WDR47: variants seen among roughly 807,000 people sequenced by gnomAD.
The protein encoded by WDR47 is WD repeat-containing protein 47.
A neutral mutation model predicts 97.2 loss-of-function variants in WDR47; 32 were observed. The observed-to-expected ratio is 0.33, with a 90% CI of 0.25 to 0.44. The LOEUF (loss-of-function observed/expected upper bound fraction) is 0.44. WDR47 is among the 20% of genes least tolerant of loss of function. The pLI is 1.00. For missense variants in WDR47, 782 were observed against 1,102.3 expected (o/e 0.71, Z 4.11); for synonymous variants, 375 against 373.5 (o/e 1.00, Z -0.05).
Position 108,992,521 on chromosome 1 carries a change from A to G in WDR47, c.1692-1192T>C, listed in dbSNP as rs1432196973. On this transcript the variant is annotated intron_variant, in intron 8 of 14. Coordinates refer to ENST00000369962, the MANE Select transcript of WDR47 (RefSeq NM_001142551.2). ...AGGCCAAGCAGTGGGGCTGGACACA[A>G]GGTCGGTGGCCCAAAAAGAGTGCTG... 21 of 1,512,766 alleles carry G rather than the reference A, an allele frequency of 1.4e-5. No individual in the cohort carries two copies. In the East Asian group the frequency reaches 3.6e-4, roughly 26 times the overall value. The allele number at this position is 1,512,766 out of a possible 1,614,324, so 93.7% of individuals were successfully genotyped here. A position where few individuals can be genotyped will look rare whatever the true frequency, so the allele number is the denominator to read the frequency against.
chr1:108,976,880 G>T (rs527816604), intron 13 of WDR47, among the ~76,000 whole-genome samples: 1 of 152,194 alleles, frequency 6.6e-6, no homozygotes, highest in Non-Finnish European at 1.5e-5. Flanking sequence ...GATCTGAGGT[G>T]AGACTAGAAG....
chr1:108,986,712 TA>T lies in WDR47; in HGVS notation c.1768-33del, dbSNP rs559729979. ...AAAGAATGAATATTAGTTATCCTATTAAAAAAATGAATTTGAAAGAATTCAT... is the reference window on the plus strand; with the variant it reads ...AAAGAATGAATATTAGTTATCCTATTAAAAAATGAATTTGAAAGAATTCAT... On this transcript the variant is annotated intron_variant, in intron 9 of 14. Transcript: ENST00000369962. 326 of 1,481,698 alleles carry T rather than the reference TA, an allele frequency of 2.2e-4. 1 individual carries two copies. The African/African-American group carries it at 2.4e-3, about 11-fold the overall frequency. 91.8% of individuals were successfully genotyped at this position (1,481,698 alleles called of 1,614,324 possible).
intron 1 of WDR47, among the ~76,000 whole-genome samples, chr1:109,025,779 G>T (rs982931024): frequency 1.3e-5 from 2 of 151,984 alleles, no homozygotes; most frequent in African/African-American, 4.8e-5. Flanking sequence ...TGGCGCTAGG[G>T]TAAACAAGGG....
intron 7 of WDR47, among the ~76,000 whole-genome samples, chr1:108,998,595 TC>T (rs1659935143): frequency 6.6e-6 from 1 of 152,080 alleles, no homozygotes; most frequent in Non-Finnish European, 1.5e-5. Flanking sequence ...AATTGTCAAA[TC>T]AATGGTGCCA....
In WDR47 at chr1:108,991,277, G is replaced by A. The variant is rs1425358889; in HGVS notation, c.1744C>T (p.Leu582Phe). The A allele has an allele frequency of 6.2e-7, 1 of 1,613,130 alleles. No homozygotes were observed. The highest frequency in any genetic ancestry group is 8.5e-7 in the Non-Finnish European group (1 of 1,179,318). ...KPPLGDSPGS[L>F]SRSKGEEDDK... Reference sequence around the variant, plus strand: ...ACCTCTTCCCCTTTCGACCTTGAAAGACTCCCTGGAGAATCTCCAAGAGGT... The same window carrying A: ...ACCTCTTCCCCTTTCGACCTTGAAAAACTCCCTGGAGAATCTCCAAGAGGT... Residue 582 changes from leucine (L) to phenylalanine (F), a missense_variant, in exon 9 of 15, where the codon CTT (leucine) becomes TTT (phenylalanine). Transcript: ENST00000369962.
Position 109,023,518 on chromosome 1 carries a change from T to G in WDR47, c.-6A>C, listed in dbSNP as rs913109879. 6.2e-7 allele frequency: 1 copy of G among 1,609,772 alleles called. No homozygotes were observed. The highest frequency in any genetic ancestry group is 1.3e-5 in the African/African-American group (1 of 74,814). On this transcript the variant is annotated 5_prime_UTR_variant, in exon 2 of 15. Transcript: ENST00000369962. Reference sequence around the variant, plus strand: ...ACTGTTTCTTCAGCCGTCATATTGATAGCCTAAATATGAAACAGAAAAACA... The same window carrying G: ...ACTGTTTCTTCAGCCGTCATATTGAGAGCCTAAATATGAAACAGAAAAACA...
At chr1:108,992,492 G>A in intron 8 of WDR47, 1 of 1,530,874 alleles carries the variant, frequency 6.5e-7, no homozygotes. Flanking sequence ...TGGCAGGTGT[G>A]CGCAGGCCAA....
intron 6 of WDR47, among the ~76,000 whole-genome samples, chr1:109,002,635 T>C (rs1660304136): frequency 6.6e-6 from 1 of 152,212 alleles, no homozygotes; most frequent in Non-Finnish European, 1.5e-5. Flanking sequence ...TTGCCTTGGT[T>C]CCCTGACTAA....
At chr1:108,991,931 G>A (rs1457287434) in intron 8 of WDR47, among the ~76,000 whole-genome samples, 1 of 152,072 alleles carries the variant, frequency 6.6e-6, no homozygotes, top group Admixed American at 6.6e-5. Context: ...CCAGATTGCT[G>A]GGATTACAGG....
intron 14 of WDR47, among the ~76,000 whole-genome samples, chr1:108,971,777 T>C (rs1657473122): frequency 6.6e-6 from 1 of 152,146 alleles, no homozygotes; most frequent in African/African-American, 2.4e-5. Context: ...ACAGCAACAT[T>C]TGACAAGTTG....
intron 2 of WDR47, among the ~76,000 whole-genome samples, chr1:109,019,226 T>C (rs1436691843): frequency 2.0e-5 from 3 of 151,516 alleles, no homozygotes; most frequent in African/African-American, 7.3e-5. Context: ...CTACTAAAAA[T>C]ACAAAAATTA....
At chr1:109,017,276 C>G (rs909825063) in intron 3 of WDR47, among the ~76,000 whole-genome samples, 4 of 152,068 alleles carry the variant, frequency 2.6e-5, no homozygotes, top group African/African-American at 9.7e-5. Flanking sequence ...TGGTACACGC[C>G]TGTATAGTCC....
chr1:108,994,657 GGACAAAGATGGGTTTTA>G (rs551423607), intron 8 of WDR47, among the ~76,000 whole-genome samples: 1,998 of 152,058 alleles, frequency 0.013, 41 homozygotes, highest in African/African-American at 0.045. Context: ...ATAAAACCAT[GGACAAAGATGGGTTTTA>G]TTTTAAGCCT....
chr1:109,031,828 C>CT (rs1662626220), intron 1 of WDR47, among the ~76,000 whole-genome samples: 1 of 95,368 alleles, frequency 1.0e-5, no homozygotes. Flanking sequence ...AAGACAGGGT[C>CT]TTGCTCTCAA....
chr1:109,023,517 A>T lies in WDR47; in HGVS notation c.-5T>A, dbSNP rs780874017. On this transcript the variant is annotated 5_prime_UTR_variant, in exon 2 of 15. Transcript: ENST00000369962. ...CACTGTTTCTTCAGCCGTCATATTG[A>T]TAGCCTAAATATGAAACAGAAAAAC... The T allele has an allele frequency of 6.2e-7, 1 of 1,609,676 alleles. No individual in the cohort carries two copies. Among genetic ancestry groups the T allele is most frequent in the East Asian group, 2.2e-5 (1 of 44,764 alleles).
At chr1:108,973,719 A>G (rs957019682) in intron 14 of WDR47, among the ~76,000 whole-genome samples, 3 of 152,068 alleles carry the variant, frequency 2.0e-5, no homozygotes, top group Non-Finnish European at 4.4e-5. Context: ...CCATCTTTAC[A>G]AAAAAATTTT....
intron 14 of WDR47, 124 bp downstream of exon 14, chr1:108,974,412 C>T: frequency 1.4e-6 from 1 of 713,120 alleles, no homozygotes; most frequent in East Asian, 2.7e-5. Context: ...GTCTCAGAAT[C>T]TGCTCAATAA....
rs1425829640 is a variant in WDR47, at chr1:109,002,222, A to G, written c.1433+2T>C. 6.4e-7 allele frequency: 1 copy of G among 1,563,142 alleles called. No individual in the cohort carries two copies. Among genetic ancestry groups the G allele is most frequent in the Admixed American group, 2.0e-5 (1 of 50,786 alleles). On this transcript the variant is annotated splice_donor_variant, in intron 7 of 14. Transcript: ENST00000369962. LOFTEE classifies it high-confidence loss of function. The stretch of plus-strand genomic sequence containing the variant: ...ATTTTAAAAAGTGATTAGAAGACCA[A>G]CCTATTAAGGAACTGTTCAGTAAGA...
Position 108,971,360 on chromosome 1 carries a change from T to C in WDR47, c.*70A>G, listed in dbSNP as rs1379704756. 1.9e-6 allele frequency: 3 copies of C among 1,590,660 alleles called. No individual in the cohort carries two copies. In the African/African-American group the frequency reaches 4.0e-5, roughly 21 times the overall value. On this transcript the variant is annotated 3_prime_UTR_variant, in exon 15 of 15. Coordinates refer to ENST00000369962, the MANE Select transcript of WDR47 (RefSeq NM_001142551.2). Reference sequence around the variant, plus strand: ...TTCCTGGACACTATGTTCTTCAGATTTGTAATTTTCACAACTCAGTAGTCT... The same window carrying C: ...TTCCTGGACACTATGTTCTTCAGATCTGTAATTTTCACAACTCAGTAGTCT...
Sources: allele counts gnomAD v4.1 joint callset (sites outside exome capture counted in the v4.1 genomes callset), GRCh38; gene constraint gnomAD v4.1.1; transcripts MANE v1.5; gene names NCBI Gene and HGNC (gene_info 2026-07-23, HGNC 2026-07-21).